Variants in TSC1 observed in about 807,000 individuals in gnomAD.
TSC1 encodes the protein hamartin.
TSC1 carries 20 observed loss-of-function variants against 124.3 expected under a neutral mutation model. The ratio of observed to expected loss-of-function variants is 0.16; its 90% CI spans 0.11 to 0.23. The LOEUF (loss-of-function observed/expected upper bound fraction) is 0.23, where lower values mean the gene tolerates loss of function less well. Ranked by LOEUF, TSC1 falls within the 10% of genes least tolerant of loss-of-function variation. TSC1 has a pLI of 1.00. For missense variants in TSC1, 1,124 were observed against 1,448.5 expected, an observed-to-expected ratio of 0.78 and a Z score of 3.64; for synonymous variants, 493 against 539.1, an observed-to-expected ratio of 0.91 and a Z score of 1.19.
At chr9:132,900,652 G>A (rs996212365) in intron 20 of TSC1, 63 bp downstream of exon 20, 1 of 1,610,238 alleles carries the variant, frequency 6.2e-7, no homozygotes, top group Non-Finnish European at 8.5e-7. Flanking sequence ...CCATGCGGGA[G>A]ACATACTGTC....
intron 1 of TSC1, among the ~76,000 whole-genome samples, chr9:132,935,487 G>T (rs192377526): frequency 6.6e-6 from 1 of 152,230 alleles, no homozygotes; most frequent in African/African-American, 2.4e-5. Flanking sequence ...TACCTCGTCT[G>T]TAAAGTTAGA....
intron 10 of TSC1, 41 bp downstream of exon 10, chr9:132,911,412 G>C (rs2131971072): frequency 2.0e-6 from 3 of 1,472,888 alleles, no homozygotes; most frequent in Non-Finnish European, 2.9e-6. Flanking sequence ...AGCTTCACCA[G>C]AAAGCAGAGG....
intron 1 of TSC1, 22 bp downstream of exon 1, chr9:132,944,521 G>A (rs1276428594): frequency 2.5e-6 from 1 of 398,470 alleles, no homozygotes; most frequent in South Asian, 1.3e-4. Flanking sequence ...TAAAAAGGAG[G>A]GGGAGACACC....
In TSC1 at chr9:132,902,860, T is replaced by C; in HGVS notation, c.2209-73A>G. 6.4e-7 allele frequency: 1 copy of C among 1,558,316 alleles called. No homozygotes were observed. The highest frequency in any genetic ancestry group is 1.4e-5 in the African/African-American group (1 of 73,898). ...GCAATTTAACACACACTGCGAACATTTCATCTGAATAGTCATAAGCTACCC... is the reference window on the plus strand; with the variant it reads ...GCAATTTAACACACACTGCGAACATCTCATCTGAATAGTCATAAGCTACCC... On this transcript the variant is annotated intron_variant, in intron 17 of 22. Transcript: ENST00000298552. This position sits in a 1 kb window ranked among gnomAD's most constrained non-coding sequence, Gnocchi z 5.2.
At chr9:132,920,593 G>C (rs1348304303) in intron 8 of TSC1, among the ~76,000 whole-genome samples, 29 of 152,160 alleles carry the variant, frequency 1.9e-4, no homozygotes, top group Admixed American at 1.9e-3. Flanking sequence ...GTGGTGAGGT[G>C]AGATTCGCTG....
chr9:132,928,295 T>C (rs1391025772), intron 3 of TSC1, among the ~76,000 whole-genome samples: 4 of 152,220 alleles, frequency 2.6e-5, no homozygotes, highest in Non-Finnish European at 4.4e-5. Flanking sequence ...TTAAAATTGA[T>C]GACTGATGCT....
At chr9:132,907,496 T>C (rs1181011145) in intron 12 of TSC1, 126 bp from the exon 13 acceptor site, 4 of 822,200 alleles carry the variant, frequency 4.9e-6, no homozygotes, top group Non-Finnish European at 8.0e-6. Flanking sequence ...TGTTTTCTTT[T>C]CTTTTTTTTT....
chr9:132,900,385 T>A (rs532684130), intron 20 of TSC1: 3 of 385,030 alleles, frequency 7.8e-6, no homozygotes, highest in Non-Finnish European at 1.5e-5. Context: ...GAGAGGTATG[T>A]TAAACAGAAT....
In TSC1 at chr9:132,895,280, A is replaced by T. The variant is rs1844972278; in HGVS notation, c.*955T>A. ...GCTGCAGTGTCACATATAAGCTGAC[A>T]TGAACAAGAGGCGTATGCACACAAA... On this transcript the variant is annotated 3_prime_UTR_variant, in exon 23 of 23. Coordinates refer to ENST00000298552, the MANE Select transcript of TSC1 (RefSeq NM_000368.5). The T allele has an allele frequency of 4.3e-6, 1 of 233,498 alleles. No homozygotes were observed. Among genetic ancestry groups the T allele is most frequent in the Non-Finnish European group, 8.5e-6 (1 of 117,932 alleles). 14.5% of individuals were successfully genotyped at this position (233,498 alleles called of 1,614,324 possible).
rs1845931432 is a variant in TSC1, at chr9:132,911,076, G to T, written c.1067C>A (p.Thr356Asn). The change falls in exon 11 of 23, where the codon ACC becomes AAC. Residue 356 changes from threonine to asparagine, a missense_variant. Transcript: ENST00000298552. ...LWSPSMVCGM[T>N]TPPTSPGNVP... ...ATTTCCAGGAGAAGTTGGAGGAGTG[G>T]TCATACCACAAACCATAGATGGGCT... 2 of 1,614,148 alleles carry T rather than the reference G, an allele frequency of 1.2e-6. No homozygotes were observed. The highest frequency in any genetic ancestry group is 1.7e-6 in the Non-Finnish European group (2 of 1,180,026).
chr9:132,938,847 C>CT (rs781533278), intron 1 of TSC1, among the ~76,000 whole-genome samples: 4 of 152,114 alleles, frequency 2.6e-5, no homozygotes, highest in Non-Finnish European at 4.4e-5. Flanking sequence ...AAAACAAGTG[C>CT]TGTGATATGT....
In TSC1 at chr9:132,904,489, A is replaced by C. The variant is rs759873462; in HGVS notation, c.1998-35T>G. ...AAGTTTTTGAGTAACAAAGTTACCGATCTTACCAAGAAAAAAACGTATCTG... is the reference window on the plus strand; with the variant it reads ...AAGTTTTTGAGTAACAAAGTTACCGCTCTTACCAAGAAAAAAACGTATCTG... On this transcript the variant is annotated intron_variant, in intron 15 of 22. Coordinates refer to ENST00000298552, the MANE Select transcript of TSC1 (RefSeq NM_000368.5). The C allele has an allele frequency of 1.9e-6, 3 of 1,610,806 alleles. No individual in the cohort carries two copies. In the South Asian group the frequency reaches 3.3e-5, roughly 18 times the overall value.
intron 2 of TSC1, among the ~76,000 whole-genome samples, chr9:132,931,698 A>G (rs1439615838): frequency 6.6e-6 from 1 of 152,244 alleles, no homozygotes; most frequent in East Asian, 1.9e-4. Flanking sequence ...CACAACTAGA[A>G]TATCTCCTTT....
rs563661465 is a variant in TSC1 at position 132,914,581 on chromosome 9, G to A, written c.738-2124C>T. Among the ~76,000 whole-genome samples, 3 of 152,130 alleles carry A rather than the reference G, an allele frequency of 2.0e-5. No individual in the cohort carries two copies. In the South Asian group the frequency reaches 6.2e-4, roughly 32 times the overall value. ...GATTTAAAAAATCATGCTTAAGGCT[G>A]GGTGTGGTGGCTCGTACCTGTAATC... is the stretch of plus-strand genomic sequence containing the variant. On this transcript the variant is annotated intron_variant, in intron 8 of 22. Coordinates refer to ENST00000298552, the MANE Select transcript of TSC1 (RefSeq NM_000368.5).
chr9:132,944,676 T>TC (rs544305928), upstream of TSC1: 767 of 397,326 alleles, frequency 1.9e-3, 4 homozygotes, highest in Admixed American at 7.7e-3. Flanking sequence ...CGAAAAAGAG[T>TC]CCCCCTCCGG....
intron 2 of TSC1, among the ~76,000 whole-genome samples, chr9:132,931,650 C>T (rs1353321309): frequency 6.6e-6 from 1 of 152,020 alleles, no homozygotes; most frequent in Non-Finnish European, 1.5e-5. Flanking sequence ...TCTAAAAAGC[C>T]CTCCTAAGAG....
At chr9:132,910,154 A>T in intron 12 of TSC1, 1 of 278,202 alleles carries the variant, frequency 3.6e-6, no homozygotes, top group East Asian at 6.9e-5. Flanking sequence ...AAAAAAACTT[A>T]GCCAGGCATC....
chr9:132,930,402 A>G (rs1263184145), intron 2 of TSC1, among the ~76,000 whole-genome samples: 3 of 152,264 alleles, frequency 2.0e-5, no homozygotes, highest in Non-Finnish European at 4.4e-5. Context: ...CAACCTGGCC[A>G]ACATGGTGAA....
intron 3 of TSC1, among the ~76,000 whole-genome samples, chr9:132,928,200 T>C (rs1377276758): frequency 1.3e-5 from 2 of 152,332 alleles, no homozygotes; most frequent in African/African-American, 2.4e-5. Context: ...TGAAGGATAC[T>C]TGGGTTTTTC....
Sources: allele counts gnomAD v4.1 joint callset (sites outside exome capture counted in the v4.1 genomes callset), GRCh38; gene constraint gnomAD v4.1.1; non-coding constraint Gnocchi (gnomAD v3.1); transcripts MANE v1.5; gene names NCBI Gene and HGNC (gene_info 2026-07-23, HGNC 2026-07-21).